Variants in FRMD4A observed in about 807,000 individuals in gnomAD.
The protein encoded by FRMD4A is FERM domain-containing protein 4A.
In FRMD4A, 29 loss-of-function variants were observed where a neutral mutation model predicts 129.1. The observed-to-expected ratio is 0.22, with a 90% CI of 0.17 to 0.31. The LOEUF (loss-of-function observed/expected upper bound fraction) is 0.31. FRMD4A is among the 10% of genes least tolerant of loss of function. The probability of loss-of-function intolerance (pLI) is 1.00; values close to 1 mark genes in which losing one functional copy is unlikely to be tolerated. For synonymous variants in FRMD4A, 634 were observed against 571.6 expected (o/e 1.11, Z -1.56); for missense variants, 1,272 against 1,375.8 (o/e 0.92, Z 1.19).
intron 2 of FRMD4A, among the ~76,000 whole-genome samples, chr10:13,949,158 C>A (rs1019029514): frequency 6.6e-6 from 1 of 151,756 alleles, no homozygotes; most frequent in Non-Finnish European, 1.5e-5. Context: ...GACTGTGTAA[C>A]CACTTTTAAA....
intron 2 of FRMD4A, among the ~76,000 whole-genome samples, chr10:13,968,986 T>C (rs931246067): frequency 3.3e-5 from 5 of 152,228 alleles, no homozygotes; most frequent in African/African-American, 1.2e-4. Flanking sequence ...ATGGCCCATG[T>C]ATTATTACAG....
intron 2 of FRMD4A, among the ~76,000 whole-genome samples, chr10:13,894,780 AAT>A (rs1195946966): frequency 6.6e-6 from 1 of 152,174 alleles, no homozygotes; most frequent in Non-Finnish European, 1.5e-5. Flanking sequence ...CCAGGTACTT[AAT>A]ATATCACCAT....
chr10:13,648,888 G>A (rs1238446169), intron 24 of FRMD4A: 1 of 152,196 alleles, frequency 6.6e-6, no homozygotes, highest in Non-Finnish European at 1.5e-5. Context: ...CTTAGCCAGT[G>A]TTTCCCAAAG....
At chr10:13,660,697 T>A in intron 19 of FRMD4A, 144 bp from the exon 20 acceptor site, 1 of 577,074 alleles carries the variant, frequency 1.7e-6, no homozygotes. Context: ...ACCCTGAAAC[T>A]CTTCCCCAGT....
intron 5 of FRMD4A, among the ~76,000 whole-genome samples, chr10:13,790,428 A>T (rs1206949962): frequency 6.6e-6 from 1 of 152,070 alleles, no homozygotes; most frequent in Non-Finnish European, 1.5e-5. Flanking sequence ...ATGGGGGTGA[A>T]ATCACACCAG....
chr10:14,279,022 T>G (rs1269135271), intron 2 of FRMD4A, among the ~76,000 whole-genome samples: 1 of 152,120 alleles, frequency 6.6e-6, no homozygotes, highest in Non-Finnish European at 1.5e-5. Context: ...CTCTAATGCA[T>G]CTAACAGTGT....
intron 2 of FRMD4A, among the ~76,000 whole-genome samples, chr10:13,889,519 T>C (rs1396314834): frequency 6.6e-6 from 1 of 152,212 alleles, no homozygotes; most frequent in East Asian, 1.9e-4. Flanking sequence ...GACGAGATCA[T>C]GCTAATGGCA....
intron 2 of FRMD4A, among the ~76,000 whole-genome samples, chr10:14,247,731 G>C (rs186110280): frequency 6.6e-6 from 1 of 152,168 alleles, no homozygotes; most frequent in Admixed American, 6.5e-5. Context: ...AAGGCCTTAC[G>C]GGGCACAGGA....
chr10:13,718,530 G>T (rs1180051968), intron 12 of FRMD4A, among the ~76,000 whole-genome samples: 2 of 152,220 alleles, frequency 1.3e-5, no homozygotes, highest in Non-Finnish European at 2.9e-5. Flanking sequence ...TATCTGCTCT[G>T]CGAGGTTTCC....
At chr10:13,776,914 A>C (rs2092609199) in intron 6 of FRMD4A, among the ~76,000 whole-genome samples, 1 of 152,222 alleles carries the variant, frequency 6.6e-6, no homozygotes, top group Non-Finnish European at 1.5e-5. Flanking sequence ...CAAGAGAAAA[A>C]AACTCGGGTC....
At chr10:14,070,587 T>C (rs1402508199) in intron 2 of FRMD4A, among the ~76,000 whole-genome samples, 4 of 152,216 alleles carry the variant, frequency 2.6e-5, no homozygotes, top group Non-Finnish European at 5.9e-5. Context: ...GCTTTGGGTT[T>C]CAGAGACACT....
intron 2 of FRMD4A, among the ~76,000 whole-genome samples, chr10:14,033,667 C>A (rs1833360448): frequency 6.6e-6 from 1 of 152,026 alleles, no homozygotes; most frequent in Non-Finnish European, 1.5e-5. Flanking sequence ...TGCCTGTAAT[C>A]CCAGTTACGT....
chr10:13,709,293 G>C (rs750565003), intron 12 of FRMD4A, among the ~76,000 whole-genome samples: 1 of 152,124 alleles, frequency 6.6e-6, no homozygotes, highest in South Asian at 2.1e-4. Context: ...CCTGACACAA[G>C]TTACAGCATT....
intron 2 of FRMD4A, among the ~76,000 whole-genome samples, chr10:14,242,249 G>A (rs571341878): frequency 2.0e-4 from 30 of 152,308 alleles, no homozygotes; most frequent in South Asian, 4.1e-4. Context: ...TGAGAAGAAC[G>A]TCCAAAGATG....
intron 2 of FRMD4A, among the ~76,000 whole-genome samples, chr10:14,275,212 C>G (rs2132052075): frequency 6.6e-6 from 1 of 152,296 alleles, no homozygotes; most frequent in South Asian, 2.1e-4. Context: ...TCTGACCTCC[C>G]AGGACTTATA....
chr10:13,810,644 C>T (rs1202892468), intron 4 of FRMD4A, among the ~76,000 whole-genome samples, 170 bp downstream of exon 4: 3 of 152,104 alleles, frequency 2.0e-5, no homozygotes, highest in Non-Finnish European at 2.9e-5. Context: ...TTGGCTGTAC[C>T]AGGCATGACC....
chr10:13,954,992 A>G (rs1408941356), intron 2 of FRMD4A, among the ~76,000 whole-genome samples: 1 of 151,684 alleles, frequency 6.6e-6, no homozygotes, highest in Non-Finnish European at 1.5e-5. Flanking sequence ...CATGGACACA[A>G]TTTTCTTTCT....
chr10:14,194,426 C>T (rs1457111056), intron 2 of FRMD4A, among the ~76,000 whole-genome samples: 5 of 152,116 alleles, frequency 3.3e-5, no homozygotes, highest in East Asian at 1.9e-4. Context: ...CTGGCTAACA[C>T]GGTGAAACCC....
chr10:13,735,151 G>A (rs1470621954), intron 12 of FRMD4A, among the ~76,000 whole-genome samples: 2 of 152,230 alleles, frequency 1.3e-5, no homozygotes, highest in African/African-American at 2.4e-5. Context: ...GGGATTACAG[G>A]CGTGAGCCAC....
Sources: allele counts gnomAD v4.1 joint callset (sites outside exome capture counted in the v4.1 genomes callset), GRCh38; gene constraint gnomAD v4.1.1; transcripts MANE v1.5; gene names NCBI Gene and HGNC (gene_info 2026-07-23, HGNC 2026-07-21).